C20orf202: variants seen among roughly 807,000 people sequenced by gnomAD.
The protein encoded by C20orf202 is chromosome 20 open reading frame 202.
Under a neutral mutation model 5.3 loss-of-function variants are expected in C20orf202, and 5 were observed. That is an observed-to-expected ratio of 0.94 (90% CI 0.49 to 1.98). The LOEUF (loss-of-function observed/expected upper bound fraction) is 1.98. Among genes scored for constraint, C20orf202 ranks in the 30% most tolerant of loss-of-function variants. The probability of loss-of-function intolerance (pLI) is 0.01; values close to 1 mark genes in which losing one functional copy is unlikely to be tolerated. For synonymous variants in C20orf202, 48 were observed against 50.0 expected, an observed-to-expected ratio of 0.96 and a Z score of 0.16; for missense variants, 135 against 123.5, an observed-to-expected ratio of 1.09 and a Z score of -0.44.
rs2087118512 is a variant in C20orf202, at chr20:1,203,485, G to A, written c.-101G>A. 6.6e-7 allele frequency: 1 copy of A among 1,520,894 alleles called. No individual in the cohort carries two copies. The highest frequency in any genetic ancestry group is 8.8e-7 in the Non-Finnish European group (1 of 1,131,932). 94.2% of individuals were successfully genotyped at this position (1,520,894 alleles called of 1,614,324 possible). A position where few individuals can be genotyped will look rare whatever the true frequency, so the allele number is the denominator to read the frequency against. On this transcript the variant is annotated 5_prime_UTR_variant, in exon 1 of 2. Coordinates refer to ENST00000400633, the MANE Select transcript of C20orf202 (RefSeq NM_001394958.1). ...AACTCCATCTTCAGTGATTTGGCCA[G>A]AACCTGCTGCCAGTCTGAAAGAGTT...
chr20:1,204,520 G>C (rs2087123797), intron 1 of C20orf202, among the ~76,000 whole-genome samples: 1 of 152,230 alleles, frequency 6.6e-6, no homozygotes, highest in African/African-American at 2.4e-5. Context: ...AGGAAGCCAG[G>C]CTTATGCCTT....
At chr20:1,204,990 A>G (rs146581849) in intron 1 of C20orf202, among the ~76,000 whole-genome samples, 37 of 152,280 alleles carry the variant, frequency 2.4e-4, no homozygotes, top group African/African-American at 8.7e-4. Context: ...GAGAAAACAC[A>G]GAGTGAATGT....
Position 1,206,997 on chromosome 20 carries a change from C to T in C20orf202, c.195C>T (p.Ile65=). The T allele has an allele frequency of 6.4e-7, 1 of 1,551,526 alleles. No homozygotes were observed. The highest frequency in any genetic ancestry group is 8.7e-7 in the Non-Finnish European group (1 of 1,146,808). ...GGTCCAGCGGAGGGACATCCCCCAT[C>T]AGAGCTCGAGCGGGCTCCGAAGGCA... The part of the protein sequence containing the change: ...DARSSGGTSP[I]RARAGSEGRG... Residue 65 remains isoleucine, a synonymous_variant, in exon 2 of 2, where the codon ATC becomes ATT. Coordinates refer to ENST00000400633, the MANE Select transcript of C20orf202 (RefSeq NM_001394958.1).
rs2087135241 is a variant in C20orf202, at chr20:1,207,042, C to T, written c.240C>T (p.Cys80=). Residue 80 remains cysteine, a synonymous_variant, in exon 2 of 2, where the codon TGC becomes TGT. Transcript: ENST00000400633. The part of the protein sequence containing the change: ...GSEGRGCQPV[C]SRGLAQLLRG... ...AAGGCAGGGGCTGCCAGCCGGTTTG[C>T]TCAAGGGGTCTGGCCCAGCTCCTCC... 6.5e-7 allele frequency: 1 copy of T among 1,548,072 alleles called. No individual in the cohort carries two copies. The highest frequency in any genetic ancestry group is 8.7e-7 in the Non-Finnish European group (1 of 1,144,566).
At chr20:1,204,941 C>T (rs2087125338) in intron 1 of C20orf202, among the ~76,000 whole-genome samples, 1 of 152,164 alleles carries the variant, frequency 6.6e-6, no homozygotes, top group Non-Finnish European at 1.5e-5. Context: ...CTTGTAGGCG[C>T]ATACCCAGAA....
At chr20:1,203,816 G>A (rs372444814) in intron 1 of C20orf202, among the ~76,000 whole-genome samples, 165 bp downstream of exon 1, 125 of 152,308 alleles carry the variant, frequency 8.2e-4, no homozygotes, top group African/African-American at 3.0e-3. Flanking sequence ...GTGATCTCAG[G>A]TTCAGGGATA....
rs2087119190 is a variant in C20orf202, at chr20:1,203,614, G to A, written c.29G>A (p.Ser10Asn). 1 of 1,551,420 alleles carries A rather than the reference G, an allele frequency of 6.4e-7. No individual in the cohort carries two copies. ...AAAATAGCAGAAGAGCCCAGCCCGA[G>A]TCTTGGGCAGACCTTGGAGTGGCTG... MKIAEEPSP[S>N]LGQTLEWLRK... The change falls in exon 1 of 2, where the codon AGT (serine) becomes AAT (asparagine). Residue 10 changes from serine (S) to asparagine (N), a missense_variant. Physicochemically the swap from Ser to Asn is conservative, Grantham distance 46. Coordinates refer to ENST00000400633, the MANE Select transcript of C20orf202 (RefSeq NM_001394958.1).
At chr20:1,203,732 C>A in intron 1 of C20orf202, 81 bp downstream of exon 1, 1 of 1,462,406 alleles carries the variant, frequency 6.8e-7, no homozygotes, top group Non-Finnish European at 9.1e-7. Context: ...CGGGTCCCCC[C>A]TGGGGCAGAG....
At position 1,207,203 on chromosome 20, in the gene C20orf202, A is replaced by G; in HGVS notation, c.*101A>G. 1.2e-6 allele frequency: 1 copy of G among 857,458 alleles called. No individual in the cohort carries two copies. Among genetic ancestry groups the G allele is most frequent in the African/African-American group, 1.7e-5 (1 of 58,880 alleles). 53.1% of individuals were successfully genotyped at this position (857,458 alleles called of 1,614,324 possible). On this transcript the variant is annotated 3_prime_UTR_variant, in exon 2 of 2. Coordinates refer to ENST00000400633, the MANE Select transcript of C20orf202 (RefSeq NM_001394958.1). ...GTGTTGGAATGGGAGTCAGAAAGCC[A>G]GGGCTCTGGGTTCATTTCTGCCCTC... is the stretch of plus-strand genomic sequence containing the variant.
In C20orf202 at chr20:1,207,067, C is replaced by G; in HGVS notation, c.265C>G (p.Arg89Gly). The G allele has an allele frequency of 3.3e-6, 5 of 1,525,990 alleles. No homozygotes were observed. The highest frequency in any genetic ancestry group is 4.4e-6 in the Non-Finnish European group (5 of 1,130,204). The allele number at this position is 1,525,990 out of a possible 1,614,324, so 94.5% of individuals were successfully genotyped here. A position where few individuals can be genotyped will look rare whatever the true frequency, so the allele number is the denominator to read the frequency against. The change falls in exon 2 of 2, where the codon CGA becomes GGA. Residue 89 changes from arginine to glycine, a missense_variant. Transcript: ENST00000400633. ...VCSRGLAQLL[R>G]GEDSRRSSLP ...CTCAAGGGGTCTGGCCCAGCTCCTCCGAGGGGAAGACAGCAGACGAAGCTC... is the reference window on the plus strand; with the variant it reads ...CTCAAGGGGTCTGGCCCAGCTCCTCGGAGGGGAAGACAGCAGACGAAGCTC...
rs2087133935 is a variant in C20orf202 at position 1,206,900 on chromosome 20, T to C, written c.98T>C (p.Leu33Pro). Residue 33 changes from leucine (L) to proline (P), a missense_variant, in exon 2 of 2, where the codon CTG (leucine) becomes CCG (proline). Coordinates refer to ENST00000400633, the MANE Select transcript of C20orf202 (RefSeq NM_001394958.1). ...SEMQIQDQSL[L>P]LTLRHLHSVL... is the part of the protein sequence containing the mutation. ...ATGCAGATTCAAGATCAGAGTCTCC[T>C]GCTCACACTGAGGCATCTTCACAGT... 1 of 1,549,386 alleles carries C rather than the reference T, an allele frequency of 6.5e-7. No individual in the cohort carries two copies. The highest frequency in any genetic ancestry group is 2.4e-5 in the East Asian group (1 of 40,882).
At position 1,208,534 on chromosome 20, in the gene C20orf202, T is replaced by C. The variant is rs1462629546; in HGVS notation, c.*1432T>C. Among the ~76,000 whole-genome samples, 1 of 152,074 alleles carries C rather than the reference T, an allele frequency of 6.6e-6. No individual in the cohort carries two copies. Among genetic ancestry groups the C allele is most frequent in the Admixed American group, 6.5e-5 (1 of 15,268 alleles). ...TGTTACCAGCTGCTCCCTGTTAGAG[T>C]TTGTTAGGCTTTGCCAATATACAGC... On this transcript the variant is annotated 3_prime_UTR_variant, in exon 2 of 2. Transcript: ENST00000400633.
Position 1,207,041 on chromosome 20 carries a change from G to C in C20orf202, c.239G>C (p.Cys80Ser), listed in dbSNP as rs781386665. The stretch of plus-strand genomic sequence containing the variant: ...GAAGGCAGGGGCTGCCAGCCGGTTT[G>C]CTCAAGGGGTCTGGCCCAGCTCCTC... ...GSEGRGCQPV[C>S]SRGLAQLLRG... is the part of the protein sequence containing the mutation. The change falls in exon 2 of 2, where the codon TGC becomes TCC. Residue 80 changes from cysteine (C) to serine (S), a missense_variant. Transcript: ENST00000400633. The C allele has an allele frequency of 8.4e-6, 13 of 1,548,570 alleles. No homozygotes were observed. The South Asian group carries it at 1.6e-4, about 18-fold the overall frequency.
rs2087143144 is a variant in C20orf202, at chr20:1,208,649, C to T, written c.*1547C>T. Among the ~76,000 whole-genome samples, 1 of 152,196 alleles carries T rather than the reference C, an allele frequency of 6.6e-6. No homozygotes were observed. Among genetic ancestry groups the T allele is most frequent in the Admixed American group, 6.5e-5 (1 of 15,278 alleles). On this transcript the variant is annotated 3_prime_UTR_variant, in exon 2 of 2. Coordinates refer to ENST00000400633, the MANE Select transcript of C20orf202 (RefSeq NM_001394958.1). ...GGGCTTCCTGTTCCTATGAGCATCT[C>T]CCAGCAATGTTTCTTCACAACAGGC...
chr20:1,204,876 CTG>C (rs1439239025), intron 1 of C20orf202, among the ~76,000 whole-genome samples: 1 of 152,222 alleles, frequency 6.6e-6, no homozygotes, highest in African/African-American at 2.4e-5. Context: ...CTCCCTGAAA[CTG>C]TGGGTGCCTG....
rs1228215797 is a variant in C20orf202 at position 1,206,991 on chromosome 20, C to A, written c.189C>A (p.Ser63=). 1 of 1,551,458 alleles carries A rather than the reference C, an allele frequency of 6.4e-7. No individual in the cohort carries two copies. The highest frequency in any genetic ancestry group is 2.4e-5 in the East Asian group (1 of 40,926). The change falls in exon 2 of 2, where the codon TCC becomes TCA. Residue 63 remains serine (S), a synonymous_variant. Coordinates refer to ENST00000400633, the MANE Select transcript of C20orf202 (RefSeq NM_001394958.1). ...ACGCCAGGTCCAGCGGAGGGACATC[C>A]CCCATCAGAGCTCGAGCGGGCTCCG... ...WEDARSSGGT[S]PIRARAGSEG... is the part of the protein sequence containing the mutation.
At chr20:1,204,780 T>C (rs1310085299) in intron 1 of C20orf202, among the ~76,000 whole-genome samples, 1 of 152,210 alleles carries the variant, frequency 6.6e-6, no homozygotes, top group Admixed American at 6.5e-5. Context: ...GTAGGGTTTC[T>C]CATGGGACCA....
In C20orf202 at chr20:1,207,255, A is replaced by C; in HGVS notation, c.*153A>C. On this transcript the variant is annotated 3_prime_UTR_variant, in exon 2 of 2. Coordinates refer to ENST00000400633, the MANE Select transcript of C20orf202 (RefSeq NM_001394958.1). ...TCTGCTGTGCATCCCTGGATCTGTC[A>C]CTCAGCTTCTCTGTGTCTCTGGTTC... 4.0e-6 allele frequency: 2 copies of C among 501,906 alleles called. No homozygotes were observed. Among genetic ancestry groups the C allele is most frequent in the South Asian group, 5.1e-5 (1 of 19,498 alleles). 31.1% of individuals were successfully genotyped at this position (501,906 alleles called of 1,614,324 possible). A position where few individuals can be genotyped will look rare whatever the true frequency, so the allele number is the denominator to read the frequency against.
chr20:1,203,956 TCA>T (rs1427968130), intron 1 of C20orf202, among the ~76,000 whole-genome samples: 1 of 152,132 alleles, frequency 6.6e-6, no homozygotes, highest in Non-Finnish European at 1.5e-5. Flanking sequence ...TCTTTGAGCC[TCA>T]GTTTCCTTAT....
Sources: allele counts gnomAD v4.1 joint callset (sites outside exome capture counted in the v4.1 genomes callset), GRCh38; gene constraint gnomAD v4.1.1; transcripts MANE v1.5; gene names NCBI Gene and HGNC (gene_info 2026-07-23, HGNC 2026-07-21).